SGCZ: variants seen among roughly 807,000 people sequenced by gnomAD.
The protein encoded by SGCZ is zeta-sarcoglycan.
SGCZ carries 40 observed loss-of-function variants against 41.3 expected under a neutral mutation model. The ratio of observed to expected loss-of-function variants is 0.97; its 90% confidence interval spans 0.75 to 1.26. SGCZ has a LOEUF of 1.26. Among genes scored for constraint, SGCZ ranks in the 50% most tolerant of loss-of-function variants. SGCZ has a pLI of 0.00. For missense variants in SGCZ, 552 were observed against 369.8 expected (o/e 1.49, Z -4.04); for synonymous variants, 206 against 137.5 (o/e 1.50, Z -3.49).
chr8:14,872,672 G>C (rs1478208502), intron 1 of SGCZ, among the ~76,000 whole-genome samples: 3 of 152,034 alleles, frequency 2.0e-5, no homozygotes, highest in Non-Finnish European at 2.9e-5. Context: ...CATAGATCCT[G>C]CTGGGTTTGT....
intron 4 of SGCZ, among the ~76,000 whole-genome samples, chr8:14,219,036 G>A (rs529713397): frequency 1.3e-5 from 2 of 152,330 alleles, no homozygotes; most frequent in South Asian, 2.1e-4. Context: ...TGATAAGTGG[G>A]TGCCTCATGT....
chr8:14,737,402 T>G (rs1273601977), intron 1 of SGCZ, among the ~76,000 whole-genome samples: 3 of 152,012 alleles, frequency 2.0e-5, no homozygotes, highest in African/African-American at 7.2e-5. Context: ...CTAGTTAAGT[T>G]GTACCTTTTT....
intron 1 of SGCZ, among the ~76,000 whole-genome samples, chr8:15,031,319 C>T (rs1803654104): frequency 6.6e-6 from 1 of 152,104 alleles, no homozygotes; most frequent in Admixed American, 6.5e-5. Flanking sequence ...TCGCCCAGGC[C>T]TTGAGGTAAA....
intron 1 of SGCZ, among the ~76,000 whole-genome samples, chr8:15,195,283 A>C (rs1800687208): frequency 6.6e-6 from 1 of 152,238 alleles, no homozygotes; most frequent in Non-Finnish European, 1.5e-5. Context: ...CAGCATCATT[A>C]ATCTTTGAGG....
chr8:14,133,527 A>T (rs1377776151), intron 5 of SGCZ, among the ~76,000 whole-genome samples: 2 of 152,172 alleles, frequency 1.3e-5, no homozygotes, highest in African/African-American at 2.4e-5. Flanking sequence ...CTTCCTCTGG[A>T]ACCAGGGGCC....
At chr8:14,151,414 A>G (rs551856618) in intron 5 of SGCZ, among the ~76,000 whole-genome samples, 2 of 151,780 alleles carry the variant, frequency 1.3e-5, no homozygotes, top group East Asian at 1.9e-4. Flanking sequence ...CTGAAGTTTA[A>G]AAATGATTCC....
chr8:15,098,734 A>G (rs1806483326), intron 1 of SGCZ, among the ~76,000 whole-genome samples: 1 of 152,202 alleles, frequency 6.6e-6, no homozygotes, highest in Non-Finnish European at 1.5e-5. Flanking sequence ...TACTCAATAA[A>G]TACTTGATCA....
intron 2 of SGCZ, among the ~76,000 whole-genome samples, chr8:14,517,190 C>T (rs2169425): frequency 1 from 152,046 of 152,172 alleles, 75,960 homozygotes; most frequent in Non-Finnish European, 1. Context: ...GATGATGGCG[C>T]TTGGAAGACA....
chr8:15,132,179 T>C (rs1807932519), intron 1 of SGCZ, among the ~76,000 whole-genome samples: 1 of 152,216 alleles, frequency 6.6e-6, no homozygotes. Flanking sequence ...TGCCATTTAT[T>C]TAGCAAGAAC....
At chr8:14,662,502 T>G (rs540059912) in intron 1 of SGCZ, among the ~76,000 whole-genome samples, 88 of 152,282 alleles carry the variant, frequency 5.8e-4, no homozygotes, top group Non-Finnish European at 1.0e-3. Flanking sequence ...AATAATGCAA[T>G]GTAAAGAATA....
intron 2 of SGCZ, among the ~76,000 whole-genome samples, chr8:14,552,211 G>A (rs114586798): frequency 0.016 from 2,369 of 152,084 alleles, 53 homozygotes; most frequent in African/African-American, 0.054. Context: ...GATGGAAGAC[G>A]ATTACAAATT....
chr8:14,584,012 G>A (rs1804979426), intron 1 of SGCZ, among the ~76,000 whole-genome samples: 1 of 151,860 alleles, frequency 6.6e-6, no homozygotes, highest in African/African-American at 2.4e-5. Flanking sequence ...TGTTTTTTCT[G>A]GGCATGACTC....
chr8:14,987,998 A>C (rs1422698391), intron 1 of SGCZ, among the ~76,000 whole-genome samples: 6 of 151,958 alleles, frequency 3.9e-5, no homozygotes, highest in Non-Finnish European at 7.4e-5. Flanking sequence ...CTATGAATAT[A>C]ATTATGATTC....
chr8:14,702,725 C>T (rs1809177687), intron 1 of SGCZ, among the ~76,000 whole-genome samples: 1 of 119,358 alleles, frequency 8.4e-6, no homozygotes, highest in African/African-American at 3.5e-5. Flanking sequence ...ATTCTGCTGG[C>T]TTCAATGATA....
chr8:14,607,934 G>C (rs1465294711), intron 1 of SGCZ, among the ~76,000 whole-genome samples: 1 of 152,154 alleles, frequency 6.6e-6, no homozygotes, highest in Non-Finnish European at 1.5e-5. Context: ...GCCACTTGGA[G>C]TAATTGTTAC....
intron 1 of SGCZ, among the ~76,000 whole-genome samples, chr8:14,566,392 G>A (rs1804360497): frequency 1.3e-5 from 2 of 151,004 alleles, no homozygotes; most frequent in African/African-American, 4.8e-5. Context: ...GCCAGTGTGG[G>A]TAGATCTCTC....
At chr8:15,194,889 G>C (rs149636692) in intron 1 of SGCZ, among the ~76,000 whole-genome samples, 1 of 152,312 alleles carries the variant, frequency 6.6e-6, no homozygotes, top group Non-Finnish European at 1.5e-5. Flanking sequence ...AGTTAAGTTT[G>C]TGATAGTTTC....
chr8:14,243,558 G>T (rs1798967600), intron 3 of SGCZ, among the ~76,000 whole-genome samples: 1 of 152,130 alleles, frequency 6.6e-6, no homozygotes, highest in African/African-American at 2.4e-5. Context: ...AACATGTAAG[G>T]TTCTTCACAA....
intron 1 of SGCZ, among the ~76,000 whole-genome samples, chr8:14,694,435 T>G (rs80265466): frequency 0.027 from 4,110 of 152,288 alleles, 205 homozygotes; most frequent in African/African-American, 0.094. Context: ...TTGACTTTAG[T>G]CTGTGTTTAT....
Sources: gnomAD v4.1 joint callset for allele counts (sites outside exome capture counted in the v4.1 genomes callset) on GRCh38, gnomAD v4.1.1 for gene constraint, MANE v1.5 for transcripts, NCBI Gene and HGNC (gene_info 2026-07-23, HGNC 2026-07-21) for gene names.